The following LHCGR variants were observed in gnomAD, a reference collection of about 807,000 sequenced individuals.
LHCGR encodes lutropin-choriogonadotropic hormone receptor.
LHCGR carries 55 observed loss-of-function variants against 60.7 expected under a neutral mutation model. The observed-to-expected ratio is 0.91, with a 90% CI of 0.73 to 1.13. The LOEUF is 1.13. Among genes scored for constraint, LHCGR ranks in the 50% most tolerant of loss-of-function variants. The pLI is 0.00. For synonymous variants in LHCGR, 337 were observed against 316.5 expected, an observed-to-expected ratio of 1.06 and a Z score of -0.69; for missense variants, 862 against 836.0, an observed-to-expected ratio of 1.03 and a Z score of -0.38.
chr2:48,708,898 C>T lies in LHCGR; in HGVS notation c.680+50G>A, dbSNP rs1227761725. 6.4e-6 allele frequency: 9 copies of T among 1,413,464 alleles called. No homozygotes were observed. The East Asian group carries it at 9.1e-5, about 14-fold the overall frequency. The allele number at this position is 1,413,464 out of a possible 1,614,324, so 87.6% of individuals were successfully genotyped here. A position where few individuals can be genotyped will look rare whatever the true frequency, so the allele number is the denominator to read the frequency against. ...GATGTGGAGGGACACCCTAAGCAGT[C>T]CTGTTGGGGTACACTGGGCAGGGAG... On this transcript the variant is annotated intron_variant, in intron 8 of 10. Coordinates refer to ENST00000294954, the MANE Select transcript of LHCGR (RefSeq NM_000233.4).
intron 9 of LHCGR, among the ~76,000 whole-genome samples, chr2:48,694,766 T>G (rs1667036286): frequency 6.6e-6 from 1 of 152,122 alleles, no homozygotes; most frequent in African/African-American, 2.4e-5. Context: ...GAATTTCAGG[T>G]TATTTTTTCT....
At chr2:48,716,948 T>C (rs7595747) in intron 6 of LHCGR, among the ~76,000 whole-genome samples, 21,222 of 152,100 alleles carry the variant, frequency 0.14, 1,744 homozygotes, top group South Asian at 0.27. Flanking sequence ...TCCAAAAATA[T>C]GCACTTTTAT....
chr2:48,737,907 CTTT>C (rs1422463147), intron 1 of LHCGR, among the ~76,000 whole-genome samples: 2 of 152,170 alleles, frequency 1.3e-5, no homozygotes, highest in African/African-American at 4.8e-5. Context: ...AGAGAAATGA[CTTT>C]TTTGAAACCA....
At chr2:48,747,951 G>A (rs1669786725) in intron 1 of LHCGR, among the ~76,000 whole-genome samples, 1 of 152,160 alleles carries the variant, frequency 6.6e-6, no homozygotes, top group Non-Finnish European at 1.5e-5. Context: ...CGATTCCTCA[G>A]TGGTCTCTCT....
At position 48,688,810 on chromosome 2, in the gene LHCGR, C is replaced by T. The variant is rs1410765914; in HGVS notation, c.987G>A (p.Trp329Ter). The change falls in exon 11 of 11, where the codon TGG (tryptophan) becomes TGA (stop). Residue 329 changes from tryptophan (W) to a stop codon, truncating the protein, a stop_gained. Transcript: ENST00000294954. LOFTEE classifies it high-confidence loss of function. This position sits in a 1 kb window ranked among gnomAD's most constrained non-coding sequence, Gnocchi z 5.2. ...GTAAGCAGAAACCATATTCATAGTC[C>T]CAGCCACTCAGTTCACTCTCAGCAA... ...SMLAESELSG[W>*]DYEYGFCLPK... is the part of the protein sequence containing the mutation. The T allele has an allele frequency of 6.2e-7, 1 of 1,613,866 alleles. No individual in the cohort carries two copies. Among genetic ancestry groups the T allele is most frequent in the Non-Finnish European group, 8.5e-7 (1 of 1,180,012 alleles).
chr2:48,731,521 G>A (rs1216158960), intron 1 of LHCGR, among the ~76,000 whole-genome samples: 2 of 152,130 alleles, frequency 1.3e-5, no homozygotes, highest in Non-Finnish European at 2.9e-5. Context: ...TTAAGACTGT[G>A]AACGTTGAGA....
At position 48,688,253 on chromosome 2, in the gene LHCGR, A is replaced by G; in HGVS notation, c.1544T>C (p.Phe515Ser). The part of the protein sequence containing the change: ...VSNYMKVSIC[F>S]PMDVETTLSQ... ...GAGAGTGGTTTCCACATCCATGGGGAAGCAAATACTGACCTTCATGTAATT... is the reference window on the plus strand; with the variant it reads ...GAGAGTGGTTTCCACATCCATGGGGGAGCAAATACTGACCTTCATGTAATT... Residue 515 changes from phenylalanine (F) to serine (S), a missense_variant, in exon 11 of 11, where the codon TTC becomes TCC. Physicochemically the swap from Phe to Ser is radical, Grantham distance 155. Coordinates refer to ENST00000294954, the MANE Select transcript of LHCGR (RefSeq NM_000233.4). The surrounding 1 kb of genome is among the most constrained non-coding windows in gnomAD (Gnocchi z 5.2). The G allele has an allele frequency of 6.2e-7, 1 of 1,614,196 alleles. No homozygotes were observed. The highest frequency in any genetic ancestry group is 8.5e-7 in the Non-Finnish European group (1 of 1,180,032).
chr2:48,754,807 C>T (rs1035188934), intron 1 of LHCGR, among the ~76,000 whole-genome samples: 4 of 152,164 alleles, frequency 2.6e-5, no homozygotes, highest in Non-Finnish European at 5.9e-5. Flanking sequence ...CTCCCCTTCT[C>T]CTCTTTACCC....
At chr2:48,746,917 G>C (rs1669733318) in intron 1 of LHCGR, among the ~76,000 whole-genome samples, 1 of 152,140 alleles carries the variant, frequency 6.6e-6, no homozygotes, top group South Asian at 2.1e-4. Context: ...ATATTTTTCA[G>C]AAGCTGAGAA....
At chr2:48,699,134 C>T (rs1031954853) in intron 8 of LHCGR, among the ~76,000 whole-genome samples, 1 of 152,144 alleles carries the variant, frequency 6.6e-6, no homozygotes, top group African/African-American at 2.4e-5. Flanking sequence ...ATATTTTATA[C>T]ATTTTATTCA....
intron 1 of LHCGR, among the ~76,000 whole-genome samples, chr2:48,741,033 A>G (rs2103683960): frequency 6.6e-6 from 1 of 152,392 alleles, no homozygotes; most frequent in Admixed American, 6.5e-5. Flanking sequence ...CTCGAGAACT[A>G]CATGAAGAAT....
intron 1 of LHCGR, among the ~76,000 whole-genome samples, chr2:48,751,889 A>G (rs1462291504): frequency 2.0e-5 from 3 of 152,228 alleles, no homozygotes; most frequent in African/African-American, 7.2e-5. Context: ...AATTGCCATA[A>G]TTATTATTAG....
intron 7 of LHCGR, among the ~76,000 whole-genome samples, chr2:48,713,046 G>A (rs1668068822): frequency 6.6e-6 from 1 of 152,192 alleles, no homozygotes; most frequent in African/African-American, 2.4e-5. Context: ...GACAGCATCA[G>A]CATCTCCTGA....
chr2:48,695,688 T>C (rs1322112750), intron 9 of LHCGR, among the ~76,000 whole-genome samples: 2 of 152,208 alleles, frequency 1.3e-5, no homozygotes, highest in African/African-American at 4.8e-5. Context: ...GTGGTACATA[T>C]ATACAATGTA....
intron 1 of LHCGR, among the ~76,000 whole-genome samples, chr2:48,735,409 C>A (rs181691548): frequency 6.6e-6 from 1 of 152,168 alleles, no homozygotes. Flanking sequence ...GTTTTTGTCT[C>A]GATTTCTTAT....
chr2:48,702,735 G>A lies in LHCGR; in HGVS notation c.681-3935C>T, dbSNP rs140815022. Among the ~76,000 whole-genome samples the A allele has an allele frequency of 5.3e-4, 81 of 152,292 alleles. No individual in the cohort carries two copies. In the East Asian group the frequency reaches 0.015, roughly 28 times the overall value. ...CCGCAATAAACATACGTGTGCATGT[G>A]TCTTTATAGCAGCATGATCCTTTAA... On this transcript the variant is annotated intron_variant, in intron 8 of 10. Coordinates refer to ENST00000294954, the MANE Select transcript of LHCGR (RefSeq NM_000233.4).
At chr2:48,727,911 C>T (rs183926679) in intron 3 of LHCGR, among the ~76,000 whole-genome samples, 1 of 152,002 alleles carries the variant, frequency 6.6e-6, no homozygotes, top group Non-Finnish European at 1.5e-5. Context: ...ATAGGGGGAC[C>T]CTGTGGTATA....
At chr2:48,697,687 C>T (rs1026032109) in intron 9 of LHCGR, among the ~76,000 whole-genome samples, 2 of 152,094 alleles carry the variant, frequency 1.3e-5, no homozygotes, top group African/African-American at 4.8e-5. Context: ...CTCTCAGTGC[C>T]TTATCTAAGT....
Position 48,729,142 on chromosome 2 carries a change from C to T in LHCGR, c.308+11G>A, listed in dbSNP as rs1175853178. ...TGTACAGCAGTAAACTGTCTGTTAGCTGATGCTTACATTTCAGACAAATTG... is the reference window on the plus strand; with the variant it reads ...TGTACAGCAGTAAACTGTCTGTTAGTTGATGCTTACATTTCAGACAAATTG... On this transcript the variant is annotated intron_variant, in intron 3 of 10. Coordinates refer to ENST00000294954, the MANE Select transcript of LHCGR (RefSeq NM_000233.4). 1 of 1,598,096 alleles carries T rather than the reference C, an allele frequency of 6.3e-7. No homozygotes were observed. The highest frequency in any genetic ancestry group is 1.7e-5 in the Admixed American group (1 of 59,978).
Sources: gnomAD v4.1 joint callset for allele counts (sites outside exome capture counted in the v4.1 genomes callset) on GRCh38, gnomAD v4.1.1 for gene constraint, Gnocchi (gnomAD v3.1) non-coding constraint, MANE v1.5 for transcripts, NCBI Gene and HGNC (gene_info 2026-07-23, HGNC 2026-07-21) for gene names.